The following KCNIP4 variants were observed in gnomAD, a reference collection of about 807,000 sequenced individuals.
The protein encoded by KCNIP4 is potassium voltage-gated channel interacting protein 4.
In KCNIP4, 12 loss-of-function variants were observed where a neutral mutation model predicts 34.0. The ratio of observed to expected loss-of-function variants is 0.35; its 90% CI spans 0.23 to 0.57. The LOEUF (loss-of-function observed/expected upper bound fraction) is 0.57. Among genes scored for constraint, KCNIP4 ranks in the 20% least tolerant of loss-of-function variants. KCNIP4 has a pLI of 0.83. For synonymous variants in KCNIP4, 124 were observed against 102.2 expected, an observed-to-expected ratio of 1.21 and a Z score of -1.29; for missense variants, 238 against 311.7, an observed-to-expected ratio of 0.76 and a Z score of 1.78.
chr4:21,105,363 G>A (rs1215255283), intron 1 of KCNIP4, among the ~76,000 whole-genome samples: 1 of 151,584 alleles, frequency 6.6e-6, no homozygotes, highest in African/African-American at 2.4e-5. Flanking sequence ...AAGCAATTGT[G>A]AATGGGAATT....
intron 1 of KCNIP4, among the ~76,000 whole-genome samples, chr4:21,092,157 G>T (rs1480965028): frequency 1.3e-5 from 2 of 152,004 alleles, no homozygotes. Flanking sequence ...ACTAGCATTT[G>T]TTGAGCATTT....
chr4:20,897,296 C>G (rs1349803860), intron 1 of KCNIP4, among the ~76,000 whole-genome samples: 1 of 151,924 alleles, frequency 6.6e-6, no homozygotes. Flanking sequence ...CTTTCCTTGC[C>G]ACTGCTGGTC....
chr4:21,128,354 A>G (rs1332724016), intron 1 of KCNIP4, among the ~76,000 whole-genome samples: 24 of 152,250 alleles, frequency 1.6e-4, no homozygotes, highest in Admixed American at 1.6e-3. Context: ...GTACTTGCTT[A>G]TGAAGCATGC....
intron 1 of KCNIP4, among the ~76,000 whole-genome samples, chr4:21,076,968 CAAA>C (rs1188439006): frequency 6.6e-6 from 1 of 151,742 alleles, no homozygotes; most frequent in East Asian, 1.9e-4. Context: ...ACTAAAAACA[CAAA>C]AAAATTAGCT....
At chr4:21,674,252 C>T (rs1749715917) in intron 1 of KCNIP4, among the ~76,000 whole-genome samples, 2 of 152,124 alleles carry the variant, frequency 1.3e-5, no homozygotes, top group African/African-American at 4.8e-5. Flanking sequence ...GATCACAGAT[C>T]AGGCAAGATT....
intron 1 of KCNIP4, among the ~76,000 whole-genome samples, chr4:21,753,804 C>T (rs1049921611): frequency 2.6e-5 from 4 of 152,112 alleles, no homozygotes; most frequent in African/African-American, 9.7e-5. Flanking sequence ...CAAGCCCATG[C>T]CCAAAAGCCA....
rs1369489608 is a variant in KCNIP4 at position 20,734,632 on chromosome 4, T to C, written c.533A>G (p.Lys178Arg). The C allele has an allele frequency of 2.7e-6, 4 of 1,474,928 alleles. No individual in the cohort carries two copies. Among genetic ancestry groups the C allele is most frequent in the Non-Finnish European group, 2.8e-6 (3 of 1,078,182 alleles). 91.4% of individuals were successfully genotyped at this position (1,474,928 alleles called of 1,614,324 possible). A position where few individuals can be genotyped will look rare whatever the true frequency, so the allele number is the denominator to read the frequency against. ...YDINKDGYITKEEMLDIMKAI... is the reference protein window; with the variant it reads ...YDINKDGYITREEMLDIMKAI... ...TGTTGGTGAGGCATCCCTTACCTCT[T>C]TAGTGATGTAGCCATCTTTATTTAT... Residue 178 changes from lysine (K) to arginine (R), a missense_variant, in exon 6 of 9, where the codon AAA (lysine) becomes AGA (arginine). By Grantham distance (26) the Lys-to-Arg change is conservative (BLOSUM62 2). Coordinates refer to ENST00000382152, the MANE Select transcript of KCNIP4 (RefSeq NM_025221.6).
At chr4:21,581,839 A>AAT (rs1741223077) in intron 1 of KCNIP4, among the ~76,000 whole-genome samples, 1 of 151,920 alleles carries the variant, frequency 6.6e-6, no homozygotes, top group Admixed American at 6.6e-5. Flanking sequence ...ACCTCTTACA[A>AAT]ATACCCCCTA....
intron 1 of KCNIP4, among the ~76,000 whole-genome samples, chr4:20,929,534 A>T (rs992223300): frequency 6.6e-6 from 1 of 152,084 alleles, no homozygotes; most frequent in Non-Finnish European, 1.5e-5. Flanking sequence ...AGTACTAGCA[A>T]TAGCAATCAG....
chr4:21,530,520 C>T (rs1736584336), intron 1 of KCNIP4, among the ~76,000 whole-genome samples: 1 of 151,884 alleles, frequency 6.6e-6, no homozygotes, highest in Non-Finnish European at 1.5e-5. Flanking sequence ...TTTTAAGATA[C>T]CAGCAAAAAT....
intron 1 of KCNIP4, among the ~76,000 whole-genome samples, chr4:21,433,596 G>C (rs1348231899): frequency 3.3e-5 from 5 of 152,172 alleles, no homozygotes; most frequent in Admixed American, 3.3e-4. Flanking sequence ...TTGTAGTTTG[G>C]AGTTGGTTCT....
chr4:20,991,388 A>C (rs757859616), intron 1 of KCNIP4, among the ~76,000 whole-genome samples: 7 of 152,078 alleles, frequency 4.6e-5, no homozygotes, highest in Admixed American at 2.0e-4. Context: ...CTCGGGATAG[A>C]GGTGAGAGGA....
chr4:21,496,779 G>C (rs927324233), intron 1 of KCNIP4, among the ~76,000 whole-genome samples: 35 of 152,270 alleles, frequency 2.3e-4, no homozygotes, highest in African/African-American at 7.9e-4. Flanking sequence ...TCTCACAGGA[G>C]TGTGAACCCT....
chr4:21,911,233 A>G (rs1286143334), intron 1 of KCNIP4, among the ~76,000 whole-genome samples: 1 of 152,188 alleles, frequency 6.6e-6, no homozygotes, highest in Non-Finnish European at 1.5e-5. Flanking sequence ...TTATAAAAAG[A>G]TAGCCAACCC....
intron 1 of KCNIP4, among the ~76,000 whole-genome samples, chr4:21,441,593 T>C (rs1034003345): frequency 1.3e-5 from 2 of 152,166 alleles, no homozygotes; most frequent in Non-Finnish European, 2.9e-5. Flanking sequence ...ATTACCCTTA[T>C]TGTTTTTTGC....
intron 1 of KCNIP4, among the ~76,000 whole-genome samples, chr4:21,308,217 G>C (rs1030745878): frequency 2.6e-5 from 4 of 152,110 alleles, no homozygotes; most frequent in African/African-American, 9.7e-5. Context: ...CTTTGTCCTC[G>C]TTTGGATTAC....
chr4:20,962,714 A>G (rs1462409584), intron 1 of KCNIP4, among the ~76,000 whole-genome samples: 6 of 152,250 alleles, frequency 3.9e-5, no homozygotes, highest in Admixed American at 3.9e-4. Flanking sequence ...AATGCACACC[A>G]TCAAATGACA....
chr4:21,519,446 G>GTT (rs1173274534), intron 1 of KCNIP4, among the ~76,000 whole-genome samples: 2 of 130,042 alleles, frequency 1.5e-5, no homozygotes, highest in African/African-American at 6.1e-5. Context: ...GTATATGTAT[G>GTT]TGTATATACA....
At chr4:20,884,223 T>G (rs185863203) in intron 1 of KCNIP4, among the ~76,000 whole-genome samples, 5 of 152,292 alleles carry the variant, frequency 3.3e-5, no homozygotes, top group Admixed American at 3.3e-4. Flanking sequence ...TTTTTAAAAA[T>G]TTTACTTTAA....
Sources: gnomAD v4.1 joint callset for allele counts (sites outside exome capture counted in the v4.1 genomes callset) on GRCh38, gnomAD v4.1.1 for gene constraint, MANE v1.5 for transcripts, NCBI Gene and HGNC (gene_info 2026-07-23, HGNC 2026-07-21) for gene names.